The following PUS10 variants were observed in gnomAD, a reference collection of about 807,000 sequenced individuals.
The protein encoded by PUS10 is pseudouridine synthase 10.
Under a neutral mutation model 75.0 loss-of-function variants are expected in PUS10, and 59 were observed. That is an observed-to-expected ratio of 0.79 (90% CI 0.64 to 0.98). The LOEUF is 0.98. Ranked by LOEUF, PUS10 falls within the 50% of genes least tolerant of loss-of-function variation. PUS10 has a pLI of 0.00. For missense variants in PUS10, 650 were observed against 614.4 expected (o/e 1.06, Z -0.61); for synonymous variants, 219 against 211.6 (o/e 1.03, Z -0.30).
At chr2:60,969,077 G>C (rs980732201) in intron 5 of PUS10, among the ~76,000 whole-genome samples, 2 of 152,172 alleles carry the variant, frequency 1.3e-5, no homozygotes, top group African/African-American at 4.8e-5. Context: ...TTTTAAAACT[G>C]TTTACATTCT....
In PUS10 at chr2:61,011,871, T is replaced by C. The variant is rs1679626458; in HGVS notation, c.20A>G (p.Glu7Gly). 1 of 1,605,788 alleles carries C rather than the reference T, an allele frequency of 6.2e-7. No individual in the cohort carries two copies. Among genetic ancestry groups the C allele is most frequent in the Non-Finnish European group, 8.5e-7 (1 of 1,177,230 alleles). ...CAACAACTGGGCCACATGCTTGTTTTCCTCAGTCAGTGGGAACATATTGAA... is the reference window on the plus strand; with the variant it reads ...CAACAACTGGGCCACATGCTTGTTTCCCTCAGTCAGTGGGAACATATTGAA... MFPLTE[E>G]NKHVAQLLLN... The change falls in exon 2 of 18, where the codon GAA becomes GGA. Residue 7 changes from glutamate (E) to glycine (G), a missense_variant. Glu to Gly is a moderately conservative substitution (Grantham distance 98). Transcript: ENST00000316752.
chr2:60,973,347 G>C (rs1676813826), intron 4 of PUS10, among the ~76,000 whole-genome samples: 1 of 152,240 alleles, frequency 6.6e-6, no homozygotes, highest in Admixed American at 6.5e-5. Context: ...TGCACTTTCA[G>C]GGACCCGGGA....
At chr2:60,987,655 C>T (rs150029639) in intron 4 of PUS10, among the ~76,000 whole-genome samples, 2 of 152,256 alleles carry the variant, frequency 1.3e-5, no homozygotes, top group Admixed American at 1.3e-4. Flanking sequence ...CTAAACAGGT[C>T]AGTGCAGTGG....
At chr2:61,009,361 T>G (rs940900409) in intron 2 of PUS10, among the ~76,000 whole-genome samples, 1 of 152,198 alleles carries the variant, frequency 6.6e-6, no homozygotes, top group African/African-American at 2.4e-5. Flanking sequence ...AAAAACAAAC[T>G]TTAGTTCTAA....
intron 4 of PUS10, among the ~76,000 whole-genome samples, chr2:60,994,939 A>T (rs571926535): frequency 3.8e-4 from 58 of 152,310 alleles, no homozygotes; most frequent in African/African-American, 1.3e-3. Flanking sequence ...AAATACAAAA[A>T]ATCAGCCGGG....
chr2:60,990,566 C>G (rs528991116), intron 4 of PUS10, among the ~76,000 whole-genome samples: 1 of 152,268 alleles, frequency 6.6e-6, no homozygotes, highest in African/African-American at 2.4e-5. Flanking sequence ...AGATCAACTT[C>G]AAATCACTGC....
intron 11 of PUS10, among the ~76,000 whole-genome samples, chr2:60,957,222 C>G (rs1054815261): frequency 4.6e-5 from 7 of 152,026 alleles, no homozygotes; most frequent in Non-Finnish European, 8.8e-5. Flanking sequence ...TTGTCTCATC[C>G]CCCTAAGAAA....
At chr2:60,944,248 A>C (rs1674803780) in intron 17 of PUS10, 20 of 984,120 alleles carry the variant, frequency 2.0e-5, no homozygotes, top group Non-Finnish European at 2.3e-5. Flanking sequence ...GCTGTACTGC[A>C]GGAGCTAATC....
chr2:60,947,980 G>A, intron 16 of PUS10, 63 bp downstream of exon 16: 1 of 1,577,710 alleles, frequency 6.3e-7, no homozygotes, highest in Non-Finnish European at 8.7e-7. Context: ...TTTTCTAGGG[G>A]ACCATGAACT....
chr2:61,009,809 A>G (rs1284369284), intron 2 of PUS10: 1 of 152,310 alleles, frequency 6.6e-6, no homozygotes, highest in Admixed American at 6.5e-5. Flanking sequence ...TTCAGATGAC[A>G]ATTTACTGAC....
At chr2:61,001,130 G>A (rs1446371987) in intron 4 of PUS10, among the ~76,000 whole-genome samples, 1 of 152,148 alleles carries the variant, frequency 6.6e-6, no homozygotes, top group Admixed American at 6.5e-5. Flanking sequence ...TATACTATCA[G>A]TTCCAAATAG....
chr2:60,983,592 G>A (rs985674216), intron 4 of PUS10, among the ~76,000 whole-genome samples: 28 of 151,630 alleles, frequency 1.8e-4, no homozygotes, highest in African/African-American at 4.8e-4. Context: ...CAGGAGAATC[G>A]CTTGAACCAG....
At chr2:60,952,976 G>C (rs767696045) in intron 15 of PUS10, 21 bp downstream of exon 15, 2 of 1,221,166 alleles carry the variant, frequency 1.6e-6, no homozygotes, top group Admixed American at 3.7e-5. Context: ...GAAATAAAAA[G>C]AATAAGCACA....
intron 4 of PUS10, among the ~76,000 whole-genome samples, chr2:60,982,018 T>G (rs1464277043): frequency 6.6e-6 from 1 of 152,098 alleles, no homozygotes; most frequent in Non-Finnish European, 1.5e-5. Flanking sequence ...AATCAAAATT[T>G]GACTCAAGAA....
Position 60,959,259 on chromosome 2 carries a change from T to G in PUS10, c.1000+1133A>C, listed in dbSNP as rs948275224. Among the ~76,000 whole-genome samples the G allele has an allele frequency of 2.6e-5, 4 of 152,224 alleles. No homozygotes were observed. The South Asian group carries it at 8.3e-4, about 32-fold the overall frequency. ...TTGAAGAAGCACTGGATGTGGAAGA[T>G]GTGTTTTAATTTCCTCATATTCCCC... is the stretch of plus-strand genomic sequence containing the variant. On this transcript the variant is annotated intron_variant, in intron 11 of 17. Coordinates refer to ENST00000316752, the MANE Select transcript of PUS10 (RefSeq NM_144709.4).
chr2:61,008,313 C>T (rs1042077915), intron 3 of PUS10, among the ~76,000 whole-genome samples: 8 of 152,094 alleles, frequency 5.3e-5, no homozygotes, highest in East Asian at 1.9e-4. Flanking sequence ...CATCTGAGAT[C>T]GGGAGTTCGA....
chr2:60,958,573 C>T (rs1675819760), intron 11 of PUS10, among the ~76,000 whole-genome samples: 1 of 152,118 alleles, frequency 6.6e-6, no homozygotes, highest in African/African-American at 2.4e-5. Context: ...GGATGGATTT[C>T]TAGCTGGTCT....
intron 7 of PUS10, 156 bp from the exon 8 acceptor site, chr2:60,965,259 T>C (rs1676265946): frequency 8.2e-6 from 8 of 979,892 alleles, no homozygotes; most frequent in Non-Finnish European, 1.3e-5. Context: ...GCCCAGGAAC[T>C]ATGTTCAAGG....
At chr2:60,990,573 CTGCAATCCCTGTAGCTGGATTAAGGTAAT>C (rs1210903812) in intron 4 of PUS10, among the ~76,000 whole-genome samples, 2 of 152,222 alleles carry the variant, frequency 1.3e-5, no homozygotes, top group Non-Finnish European at 2.9e-5. Context: ...CTTCAAATCA[CTGCAATCCCTGTAGCTGGATTAAGGTAAT>C]TGCAATCCCT....
Sources: allele counts gnomAD v4.1 joint callset (sites outside exome capture counted in the v4.1 genomes callset), GRCh38; gene constraint gnomAD v4.1.1; transcripts MANE v1.5; gene names NCBI Gene and HGNC (gene_info 2026-07-23, HGNC 2026-07-21).